Variants in TAB1 observed in about 807,000 individuals in gnomAD.
TAB1 encodes TGF-beta-activated kinase 1 and MAP3K7-binding protein 1.
A neutral mutation model predicts 54.5 loss-of-function variants in TAB1; 30 were observed. The observed-to-expected ratio is 0.55, with a 90% confidence interval of 0.41 to 0.75. The LOEUF (loss-of-function observed/expected upper bound fraction) is 0.75. Ranked by LOEUF, TAB1 falls within the 30% of genes least tolerant of loss-of-function variation. The pLI is 0.00. For missense variants in TAB1, 609 were observed against 683.2 expected (o/e 0.89, Z 1.21); for synonymous variants, 289 against 286.9 (o/e 1.01, Z -0.07).
At chr22:39,406,293 A>G (rs985460283) in intron 1 of TAB1, among the ~76,000 whole-genome samples, 28 of 151,456 alleles carry the variant, frequency 1.8e-4, no homozygotes, top group African/African-American at 5.8e-4. Context: ...CAGCTACTCC[A>G]GAGGCTGAGG....
At chr22:39,420,916 G>GT (rs1028320171) in intron 7 of TAB1, among the ~76,000 whole-genome samples, 2 of 148,952 alleles carry the variant, frequency 1.3e-5, no homozygotes, top group South Asian at 2.2e-4. Context: ...GTGTGTGTGT[G>GT]TGTGTGTGTG....
Position 39,429,702 on chromosome 22 carries a change from G to A in TAB1, c.1308-313G>A, listed in dbSNP as rs184775943. ...TCACCGTGTTGGCCAGGCTGATCTC[G>A]AACTCCTGACCTCAGGTGATCCACC... On this transcript the variant is annotated intron_variant, in intron 10 of 10. Coordinates refer to ENST00000216160, the MANE Select transcript of TAB1 (RefSeq NM_006116.3). 1.5e-4 allele frequency: 72 copies of A among 485,918 alleles called. No individual in the cohort carries two copies. The East Asian group carries it at 6.9e-3, about 46-fold the overall frequency. 30.1% of individuals were successfully genotyped at this position (485,918 alleles called of 1,614,324 possible). A position where few individuals can be genotyped will look rare whatever the true frequency, so the allele number is the denominator to read the frequency against.
chr22:39,401,290 C>A (rs916558143), intron 1 of TAB1, among the ~76,000 whole-genome samples: 1 of 152,236 alleles, frequency 6.6e-6, no homozygotes, highest in Non-Finnish European at 1.5e-5. Context: ...AGTTCCCAGG[C>A]CTCCCCAGTG....
chr22:39,425,610 A>C (rs1351370693), intron 8 of TAB1, among the ~76,000 whole-genome samples: 1 of 150,160 alleles, frequency 6.7e-6, no homozygotes, highest in Non-Finnish European at 1.5e-5. Context: ...GCTGGAGTGC[A>C]GTGGCTCGAT....
At chr22:39,420,136 T>C (rs1927006361) in intron 7 of TAB1, among the ~76,000 whole-genome samples, 1 of 152,194 alleles carries the variant, frequency 6.6e-6, no homozygotes, top group East Asian at 1.9e-4. Flanking sequence ...CCTCTGGACA[T>C]CACCCCAGCG....
At chr22:39,433,944 C>A, downstream of TAB1, 2 of 494,132 alleles carry the variant, frequency 4.0e-6, no homozygotes, top group Non-Finnish European at 5.2e-6. Context: ...CAGCCTGTAT[C>A]CGTGTCGCCT....
chr22:39,403,056 G>A lies in TAB1; in HGVS notation c.33+3221G>A, dbSNP rs1467752230. Reference sequence around the variant, plus strand: ...CACTACTAGCCTGGCTTGGTTGCCCGCTAACCAGAAACTTCTACCTTCAGT... The same window carrying A: ...CACTACTAGCCTGGCTTGGTTGCCCACTAACCAGAAACTTCTACCTTCAGT... On this transcript the variant is annotated intron_variant, in intron 1 of 10. Transcript: ENST00000216160. 3.3e-5 allele frequency among the ~76,000 whole-genome samples: 5 copies of A among 152,332 alleles called. 1 individual carries two copies. The South Asian group carries it at 6.2e-4, about 19-fold the overall frequency.
Position 39,431,304 on chromosome 22 carries a change from A to AG in TAB1, c.*1085dup. 1 of 985,566 alleles carries AG rather than the reference A, an allele frequency of 1.0e-6. No homozygotes were observed. The highest frequency in any genetic ancestry group is 1.2e-6 in the Non-Finnish European group (1 of 830,054). The allele number at this position is 985,566 out of a possible 1,614,324, so 61.1% of individuals were successfully genotyped here. A position where few individuals can be genotyped will look rare whatever the true frequency, so the allele number is the denominator to read the frequency against. On this transcript the variant is annotated 3_prime_UTR_variant, in exon 11 of 11. Transcript: ENST00000216160. ...CCTTCAGTGGGGAGGGGGTGCCACC[A>AG]GGGCTGTCGGCCAGGATTGCCACTC...
At chr22:39,428,207 A>G in intron 10 of TAB1, 24 bp downstream of exon 10, 1 of 1,524,504 alleles carries the variant, frequency 6.6e-7, no homozygotes, top group South Asian at 1.2e-5. Context: ...CCACTGAGCC[A>G]CCCCCAGCCC....
At chr22:39,423,075 C>T (rs888835025) in intron 8 of TAB1, among the ~76,000 whole-genome samples, 10 of 151,890 alleles carry the variant, frequency 6.6e-5, no homozygotes, top group African/African-American at 2.4e-4. Flanking sequence ...TGGGTTCAAC[C>T]GATCCTCCAG....
At chr22:39,401,034 CAAAAAAAAAA>C (rs566248298) in intron 1 of TAB1, among the ~76,000 whole-genome samples, 1 of 45,714 alleles carries the variant, frequency 2.2e-5, no homozygotes, top group Non-Finnish European at 5.1e-5. Context: ...GACTGTGTCT[CAAAAAAAAAA>C]AAAAAAAAAA....
downstream of TAB1, among the ~76,000 whole-genome samples, chr22:39,435,760 T>A (rs184971319): frequency 6.4e-4 from 97 of 152,252 alleles, no homozygotes; most frequent in African/African-American, 2.3e-3. Flanking sequence ...CACAGTCCTT[T>A]GGCCATGAAG....
intron 9 of TAB1, among the ~76,000 whole-genome samples, chr22:39,427,518 G>T (rs575657970): frequency 1.3e-5 from 2 of 152,342 alleles, no homozygotes; most frequent in East Asian, 3.9e-4. Flanking sequence ...CCCCAGTGCT[G>T]CTCAGCACTA....
chr22:39,416,650 G>A, intron 3 of TAB1, 141 bp from the exon 4 acceptor site: 1 of 780,058 alleles, frequency 1.3e-6, no homozygotes, highest in African/African-American at 1.7e-5. Context: ...GCCAGAGGCA[G>A]GACTGACATG....
chr22:39,431,124 G>A lies in TAB1; in HGVS notation c.*902G>A, dbSNP rs570663272. The A allele has an allele frequency of 1.0e-6, 1 of 985,938 alleles. No individual in the cohort carries two copies. The highest frequency in any genetic ancestry group is 1.2e-6 in the Non-Finnish European group (1 of 830,312). The allele number at this position is 985,938 out of a possible 1,614,324, so 61.1% of individuals were successfully genotyped here. A position where few individuals can be genotyped will look rare whatever the true frequency, so the allele number is the denominator to read the frequency against. On this transcript the variant is annotated 3_prime_UTR_variant, in exon 11 of 11. Coordinates refer to ENST00000216160, the MANE Select transcript of TAB1 (RefSeq NM_006116.3). The stretch of plus-strand genomic sequence containing the variant: ...TGAGGGTAGCAAGCAGGGGTTGTGA[G>A]TCAGGCTGGGGGACTTGTTTGAAAG...
Position 39,430,635 on chromosome 22 carries a change from A to T in TAB1, c.*413A>T. ...CAAGCCCACCCCTCCTCCCACCATC[A>T]CCTCCCTCACCTCGGGACAGTAGCC... On this transcript the variant is annotated 3_prime_UTR_variant, in exon 11 of 11. Transcript: ENST00000216160. 9.4e-7 allele frequency: 1 copy of T among 1,066,332 alleles called. No individual in the cohort carries two copies. The highest frequency in any genetic ancestry group is 1.1e-6 in the Non-Finnish European group (1 of 876,388). The allele number at this position is 1,066,332 out of a possible 1,614,324, so 66.1% of individuals were successfully genotyped here.
At chr22:39,417,884 G>A (rs1202364652) in intron 5 of TAB1, 35 bp downstream of exon 5, 6 of 1,572,286 alleles carry the variant, frequency 3.8e-6, no homozygotes, top group Non-Finnish European at 5.2e-6. Flanking sequence ...AGGGAGGACT[G>A]GGGAGAGGTC....
chr22:39,432,154 C>T (rs1320265724), downstream of TAB1, among the ~76,000 whole-genome samples: 3 of 152,222 alleles, frequency 2.0e-5, no homozygotes, highest in Non-Finnish European at 4.4e-5. Flanking sequence ...TGCTGCAGGC[C>T]AAGCCCTCTG....
intron 1 of TAB1, among the ~76,000 whole-genome samples, chr22:39,406,990 C>A (rs1023685965): frequency 2.2e-4 from 33 of 152,178 alleles, no homozygotes; most frequent in Non-Finnish European, 8.8e-5. Context: ...CTTGTCTGTA[C>A]AAGATACACA....
Sources: allele counts gnomAD v4.1 joint callset (sites outside exome capture counted in the v4.1 genomes callset), GRCh38; gene constraint gnomAD v4.1.1; transcripts MANE v1.5; gene names NCBI Gene and HGNC (gene_info 2026-07-23, HGNC 2026-07-21).